The following DSCAM variants were observed in gnomAD, a reference collection of about 807,000 sequenced individuals.
DSCAM encodes cell adhesion molecule DSCAM.
Under a neutral mutation model 217.7 loss-of-function variants are expected in DSCAM, and 47 were observed. The ratio of observed to expected loss-of-function variants is 0.22; its 90% CI spans 0.17 to 0.28. The LOEUF (loss-of-function observed/expected upper bound fraction) is 0.28. Ranked by LOEUF, DSCAM falls within the 10% of genes least tolerant of loss-of-function variation. DSCAM has a pLI of 1.00. For missense variants in DSCAM, 2,080 were observed against 2,618.3 expected (o/e 0.79, Z 4.49); for synonymous variants, 1,056 against 1,015.3 (o/e 1.04, Z -0.76).
At chr21:40,809,254 C>G (rs1383017565) in intron 1 of DSCAM, among the ~76,000 whole-genome samples, 1 of 152,142 alleles carries the variant, frequency 6.6e-6, no homozygotes, top group Admixed American at 6.5e-5. Flanking sequence ...GCTCATAAGA[C>G]TGGACAAGGG....
intron 3 of DSCAM, among the ~76,000 whole-genome samples, chr21:40,475,390 G>A (rs2075924840): frequency 6.6e-6 from 1 of 152,206 alleles, no homozygotes; most frequent in Non-Finnish European, 1.5e-5. Flanking sequence ...GTGGCAGGGA[G>A]GCTTCTCCTA....
chr21:40,111,107 T>C (rs1265019223), intron 20 of DSCAM, among the ~76,000 whole-genome samples: 1 of 152,002 alleles, frequency 6.6e-6, no homozygotes, highest in Non-Finnish European at 1.5e-5. Context: ...CCAAGACACA[T>C]AATTGTCAGA....
At chr21:40,518,597 CATATATACATACACACACAT>C (rs1374932607) in intron 3 of DSCAM, among the ~76,000 whole-genome samples, 28 of 90,050 alleles carry the variant, frequency 3.1e-4, no homozygotes, top group Non-Finnish European at 5.0e-4. Context: ...TACACACACA[CATATATACATACACACACAT>C]ATATATACAT....
intron 3 of DSCAM, among the ~76,000 whole-genome samples, chr21:40,474,414 A>G (rs1372097347): frequency 6.6e-6 from 1 of 152,142 alleles, no homozygotes; most frequent in Non-Finnish European, 1.5e-5. Context: ...GCAGCATATA[A>G]TATTCCATTT....
intron 29 of DSCAM, among the ~76,000 whole-genome samples, chr21:40,054,196 C>T (rs1410167521): frequency 3.9e-5 from 6 of 152,128 alleles, no homozygotes; most frequent in African/African-American, 2.4e-5. Context: ...AAAAGCAAAA[C>T]ATAGTAGCTT....
At chr21:40,222,082 A>G (rs1011177521) in intron 11 of DSCAM, among the ~76,000 whole-genome samples, 3 of 152,190 alleles carry the variant, frequency 2.0e-5, no homozygotes, top group African/African-American at 7.2e-5. Flanking sequence ...ACTTCAAGGG[A>G]AACAACTGAG....
At chr21:40,779,359 C>T (rs1051839812) in intron 1 of DSCAM, among the ~76,000 whole-genome samples, 5 of 152,060 alleles carry the variant, frequency 3.3e-5, no homozygotes, top group East Asian at 1.9e-4. Flanking sequence ...TGGATTCTGA[C>T]GAAGAGAAAT....
At chr21:40,151,170 A>G (rs2090419479) in intron 16 of DSCAM, among the ~76,000 whole-genome samples, 1 of 152,120 alleles carries the variant, frequency 6.6e-6, no homozygotes, top group Non-Finnish European at 1.5e-5. Flanking sequence ...TGACTGCCTG[A>G]AAAAGGGTGG....
intron 10 of DSCAM, among the ~76,000 whole-genome samples, chr21:40,293,456 A>G (rs552666780): frequency 2.6e-5 from 4 of 152,316 alleles, no homozygotes; most frequent in East Asian, 1.9e-4. Context: ...CCAAGCCAAC[A>G]AACTAGTCCT....
chr21:40,102,919 T>TC (rs1325132086), intron 20 of DSCAM, among the ~76,000 whole-genome samples: 2 of 152,128 alleles, frequency 1.3e-5, no homozygotes, highest in African/African-American at 4.8e-5. Context: ...GGGGTCAGGC[T>TC]CCCCGACCCA....
intron 3 of DSCAM, among the ~76,000 whole-genome samples, chr21:40,612,979 CAT>C (rs1194622477): frequency 6.6e-6 from 1 of 152,108 alleles, no homozygotes; most frequent in African/African-American, 2.4e-5. Context: ...CTGTCTTTCC[CAT>C]ATGTTTTCAA....
chr21:40,467,317 AAC>A (rs1301355980), intron 3 of DSCAM, among the ~76,000 whole-genome samples: 2 of 152,202 alleles, frequency 1.3e-5, no homozygotes, highest in Non-Finnish European at 2.9e-5. Flanking sequence ...AATCTTCTTA[AAC>A]ACACACACGC....
At chr21:40,025,436 A>G (rs1340958280) in intron 32 of DSCAM, among the ~76,000 whole-genome samples, 1 of 145,428 alleles carries the variant, frequency 6.9e-6, no homozygotes, top group Non-Finnish European at 1.5e-5. Flanking sequence ...GAATAGTTTC[A>G]GAAGGAATGG....
At chr21:40,358,488 A>C (rs2074720462) in intron 4 of DSCAM, among the ~76,000 whole-genome samples, 2 of 152,202 alleles carry the variant, frequency 1.3e-5, no homozygotes, top group Non-Finnish European at 2.9e-5. Flanking sequence ...AAAAACAGAA[A>C]AAATCAACAT....
At chr21:40,015,080 CCT>C (rs2088133497) in intron 32 of DSCAM, among the ~76,000 whole-genome samples, 1 of 152,302 alleles carries the variant, frequency 6.6e-6, no homozygotes, top group Non-Finnish European at 1.5e-5. Context: ...TGCTCTCAGG[CCT>C]CTCTCGGAAG....
At chr21:40,062,625 A>G (rs952575430) in intron 28 of DSCAM, among the ~76,000 whole-genome samples, 2 of 152,210 alleles carry the variant, frequency 1.3e-5, no homozygotes, top group Non-Finnish European at 2.9e-5. Context: ...GAAGCCTTCT[A>G]TTGGTTGTGT....
At chr21:40,173,118 C>A (rs1044967026) in intron 15 of DSCAM, among the ~76,000 whole-genome samples, 5 of 152,158 alleles carry the variant, frequency 3.3e-5, no homozygotes, top group African/African-American at 1.2e-4. Flanking sequence ...GCAGAACAAG[C>A]AACTCCACCT....
intron 3 of DSCAM, among the ~76,000 whole-genome samples, chr21:40,507,875 T>C (rs761925259): frequency 6.6e-5 from 10 of 152,144 alleles, no homozygotes; most frequent in Non-Finnish European, 1.5e-4. Context: ...AGAGCAGCTT[T>C]CTCTGTACCC....
chr21:40,358,896 T>C (rs2074726784), intron 4 of DSCAM, among the ~76,000 whole-genome samples: 1 of 150,834 alleles, frequency 6.6e-6, no homozygotes, highest in African/African-American at 2.4e-5. Context: ...AATAAAGAAC[T>C]CAAATCCAAA....
Sources: allele counts gnomAD v4.1 joint callset (sites outside exome capture counted in the v4.1 genomes callset), GRCh38; gene constraint gnomAD v4.1.1; transcripts MANE v1.5; gene names NCBI Gene and HGNC (gene_info 2026-07-23, HGNC 2026-07-21).